The following MSMO1 variants were observed in gnomAD, a reference collection of about 807,000 sequenced individuals.
MSMO1 encodes the protein C-4 methylsterol oxidase.
Under a neutral mutation model 30.4 loss-of-function variants are expected in MSMO1, and 18 were observed. The observed-to-expected ratio is 0.59, with a 90% CI of 0.41 to 0.88. The LOEUF (loss-of-function observed/expected upper bound fraction) is 0.88, where lower values mean the gene tolerates loss of function less well. Ranked by LOEUF, MSMO1 falls within the 40% of genes least tolerant of loss-of-function variation. The pLI, the probability that MSMO1 is intolerant of heterozygous loss-of-function variation, is 0.00. For synonymous variants in MSMO1, 84 were observed against 107.9 expected (o/e 0.78, Z 1.37); for missense variants, 284 against 340.5 (o/e 0.83, Z 1.31).
At chr4:165,334,439 A>G (rs72701624) in intron 2 of MSMO1, among the ~76,000 whole-genome samples, 52,192 of 152,148 alleles carry the variant, frequency 0.34, 9,860 homozygotes, top group African/African-American at 0.47. Context: ...GTTCACCCCA[A>G]CTCTATGTTC....
intron 5 of MSMO1, among the ~76,000 whole-genome samples, chr4:165,341,039 C>CTT (rs58320959): frequency 1.6e-4 from 24 of 149,896 alleles, no homozygotes; most frequent in Admixed American, 2.0e-4. Flanking sequence ...ACATTTCTTT[C>CTT]TTTTTTTTTT....
chr4:165,330,642 G>C (rs893184753), intron 1 of MSMO1, among the ~76,000 whole-genome samples: 2 of 152,192 alleles, frequency 1.3e-5, no homozygotes, highest in African/African-American at 4.8e-5. Context: ...AAGACATTTT[G>C]GTGCAGGTGG....
intron 5 of MSMO1, among the ~76,000 whole-genome samples, chr4:165,341,425 G>T (rs1261445710): frequency 6.6e-6 from 1 of 152,090 alleles, no homozygotes; most frequent in African/African-American, 2.4e-5. Context: ...TGGTGAGAAA[G>T]CTTCCTCTAA....
At chr4:165,341,104 G>T (rs1747704196) in intron 5 of MSMO1, among the ~76,000 whole-genome samples, 1 of 151,966 alleles carries the variant, frequency 6.6e-6, no homozygotes, top group African/African-American at 2.4e-5. Flanking sequence ...AGGAAGAGAG[G>T]GTTAGAGTGA....
intron 2 of MSMO1, among the ~76,000 whole-genome samples, chr4:165,337,215 G>A (rs1482251455): frequency 3.3e-5 from 5 of 152,082 alleles, no homozygotes; most frequent in Non-Finnish European, 7.4e-5. Flanking sequence ...AGGTCTTAAC[G>A]AACATCCCAT....
intron 2 of MSMO1, 119 bp downstream of exon 2, chr4:165,333,744 C>T (rs543710569): frequency 3.0e-5 from 33 of 1,103,162 alleles, no homozygotes; most frequent in Middle Eastern, 3.2e-4. Flanking sequence ...TATGAAGCCA[C>T]GTATGTAATT....
chr4:165,337,667 A>C (rs1747595897), intron 2 of MSMO1, 122 bp from the exon 3 acceptor site: 3 of 941,190 alleles, frequency 3.2e-6, no homozygotes, highest in Non-Finnish European at 4.9e-6. Flanking sequence ...CCTGAGTCTT[A>C]GTTATATAAA....
At chr4:165,332,852 GT>G (rs1318681406) in intron 1 of MSMO1, among the ~76,000 whole-genome samples, 10 of 152,106 alleles carry the variant, frequency 6.6e-5, no homozygotes, top group African/African-American at 2.4e-4. Flanking sequence ...GTTGTAAAAT[GT>G]TGGAAATATT....
intron 1 of MSMO1, among the ~76,000 whole-genome samples, chr4:165,329,662 T>C (rs953488526): frequency 9.2e-6 from 1 of 108,488 alleles, no homozygotes; most frequent in Non-Finnish European, 1.8e-5. Context: ...TGAGACGGAG[T>C]CTCACTCTGT....
chr4:165,334,803 G>T (rs1210746053), intron 2 of MSMO1, among the ~76,000 whole-genome samples: 1 of 152,132 alleles, frequency 6.6e-6, no homozygotes, highest in Non-Finnish European at 1.5e-5. Flanking sequence ...ACACAGTCTT[G>T]GTAGAAAGTA....
chr4:165,329,181 A>G (rs778327336), intron 1 of MSMO1, among the ~76,000 whole-genome samples: 10 of 152,128 alleles, frequency 6.6e-5, no homozygotes, highest in Non-Finnish European at 1.3e-4. Context: ...TTCAATTCTC[A>G]TATTTTTTCT....
rs1448170802 is a variant in MSMO1 at position 165,329,551 on chromosome 4, T to C, written c.-32+1787T>C. 2.7e-5 allele frequency among the ~76,000 whole-genome samples: 4 copies of C among 148,154 alleles called. No individual in the cohort carries two copies. In the East Asian group the frequency reaches 7.9e-4, roughly 29 times the overall value. ...ATTTCAAGAAGAGAAGTATCAAATC[T>C]TCCAGATTAGTCAAATAAACTCCAA... On this transcript the variant is annotated intron_variant, in intron 1 of 5. Coordinates refer to ENST00000261507, the MANE Select transcript of MSMO1 (RefSeq NM_006745.5).
chr4:165,335,323 CTG>C (rs1579214990), intron 2 of MSMO1, among the ~76,000 whole-genome samples: 4 of 152,052 alleles, frequency 2.6e-5, no homozygotes, highest in Admixed American at 6.6e-5. Context: ...GGTCAGATGA[CTG>C]TGGACTCCAG....
chr4:165,337,841 T>G lies in MSMO1; in HGVS notation c.308T>G (p.Phe103Cys), dbSNP rs763033317. Residue 103 changes from phenylalanine (F) to cysteine (C), a missense_variant, in exon 3 of 6, where the codon TTT becomes TGT. By Grantham distance (205) the Phe-to-Cys change is radical. Coordinates refer to ENST00000261507, the MANE Select transcript of MSMO1 (RefSeq NM_006745.5). ...TGGAAGTGTTTCAAAGTTCTTCTCT[T>G]TAATCACTTCTGTATCCAGCTGCCT... ...NQWKCFKVLL[F>C]NHFCIQLPLI... The G allele has an allele frequency of 6.2e-7, 1 of 1,613,640 alleles. No individual in the cohort carries two copies. The highest frequency in any genetic ancestry group is 8.5e-7 in the Non-Finnish European group (1 of 1,179,706).
At position 165,338,305 on chromosome 4, in the gene MSMO1, TG is replaced by T. The variant is rs1747615203; in HGVS notation, c.405-346del. ...GTTTACATGAACAAAAATATGTATG[TG>T]TATATATATATATATATATATATAC... On this transcript the variant is annotated intron_variant, in intron 3 of 5. Transcript: ENST00000261507. 9.7e-4 allele frequency among the ~76,000 whole-genome samples: 3 copies of T among 3,102 alleles called. No homozygotes were observed. In the South Asian group the frequency reaches 0.071, roughly 74 times the overall value. 2.0% of individuals were successfully genotyped at this position (3,102 alleles called of 152,430 possible).
rs746880997 is a variant in MSMO1, at chr4:165,333,514, G to A, written c.144G>A (p.Gln48=). ...TGTTGAATAATTATACAAAGTTCCA[G>A]ATTGCAACATGGGGATCCCTTATAG... ...NYMLNNYTKF[Q]IATWGSLIVH... The change falls in exon 2 of 6, where the codon CAG becomes CAA. Residue 48 remains glutamine (Q), a synonymous_variant. Coordinates refer to ENST00000261507, the MANE Select transcript of MSMO1 (RefSeq NM_006745.5). 1 of 1,613,586 alleles carries A rather than the reference G, an allele frequency of 6.2e-7. No individual in the cohort carries two copies. Among genetic ancestry groups the A allele is most frequent in the Non-Finnish European group, 8.5e-7 (1 of 1,179,762 alleles).
chr4:165,336,228 A>G lies in MSMO1; in HGVS notation c.256-1561A>G, dbSNP rs535796362. Among the ~76,000 whole-genome samples, 8 of 96,258 alleles carry G rather than the reference A, an allele frequency of 8.3e-5. No homozygotes were observed. In the South Asian group the frequency reaches 4.0e-3, roughly 48 times the overall value. The allele number at this position is 96,258 out of a possible 152,430, so 63.1% of individuals were successfully genotyped here. On this transcript the variant is annotated intron_variant, in intron 2 of 5. Transcript: ENST00000261507. ...AAGTAAAGCAGACTTTGCAGGATCT[A>G]TTTCTTTAAAAAAAAAAAAAACATA...
intron 3 of MSMO1, among the ~76,000 whole-genome samples, chr4:165,338,300 GTATGTGTATATA>G (rs922366136): frequency 5.8e-5 from 1 of 17,336 alleles, no homozygotes; most frequent in African/African-American, 2.2e-4. Flanking sequence ...ACAAAAATAT[GTATGTGTATATA>G]TATATATATA....
chr4:165,338,612 A>C (rs1271081605), intron 3 of MSMO1, 40 bp from the exon 4 acceptor site: 2 of 1,570,108 alleles, frequency 1.3e-6, no homozygotes, highest in East Asian at 2.2e-5. Flanking sequence ...AGTTTAAGTA[A>C]AAATTATTTC....
Sources: gnomAD v4.1 joint callset for allele counts (sites outside exome capture counted in the v4.1 genomes callset) on GRCh38, gnomAD v4.1.1 for gene constraint, MANE v1.5 for transcripts, NCBI Gene and HGNC (gene_info 2026-07-23, HGNC 2026-07-21) for gene names.